Variants in POLB observed in about 807,000 individuals in gnomAD.
POLB encodes 5'-dRP lyase.
Under a neutral mutation model 52.7 loss-of-function variants are expected in POLB, and 37 were observed. That is an observed-to-expected ratio of 0.70 (90% CI 0.54 to 0.92). The LOEUF is 0.92. POLB is among the 40% of genes least tolerant of loss of function. The pLI, the probability that POLB is intolerant of heterozygous loss-of-function variation, is 0.00. For missense variants in POLB, 313 were observed against 400.8 expected, an observed-to-expected ratio of 0.78 and a Z score of 1.87; for synonymous variants, 138 against 131.3, an observed-to-expected ratio of 1.05 and a Z score of -0.35.
intron 3 of POLB, 131 bp from the exon 4 acceptor site, chr8:42,348,885 C>T (rs1822794867): frequency 3.8e-6 from 2 of 520,116 alleles, no homozygotes; most frequent in East Asian, 3.3e-5. Context: ...GTTCAATTTT[C>T]TGTGTCCTTT....
At chr8:42,347,780 A>G (rs1435451989) in intron 3 of POLB, among the ~76,000 whole-genome samples, 16 of 152,100 alleles carry the variant, frequency 1.1e-4, no homozygotes, top group Non-Finnish European at 2.9e-5. Flanking sequence ...CTATCTGGTA[A>G]TTGCTGTTTT....
At chr8:42,363,518 A>C (rs1212619817) in intron 11 of POLB, among the ~76,000 whole-genome samples, 1 of 126,926 alleles carries the variant, frequency 7.9e-6, no homozygotes, top group East Asian at 2.4e-4. Context: ...ACAGACCGAG[A>C]CTCTGTCTCA....
chr8:42,362,245 C>T (rs902419206), intron 10 of POLB, among the ~76,000 whole-genome samples: 3 of 149,096 alleles, frequency 2.0e-5, no homozygotes, highest in Non-Finnish European at 4.4e-5. Context: ...GGCAACAGAA[C>T]GAGACTCCAT....
Position 42,357,223 on chromosome 8 carries a change from A to G in POLB, c.477A>G (p.Gln159=). ...RIPREEMLQM[Q]DIVLNEVKKV... Reference sequence around the variant, plus strand: ...CTCGTGAAGAGATGTTACAAATGCAAGTAAGATGTGTCAAATTATATTCTT... The same window carrying G: ...CTCGTGAAGAGATGTTACAAATGCAGGTAAGATGTGTCAAATTATATTCTT... Residue 159 remains glutamine (Q), a splice_region_variant and synonymous_variant, in exon 8 of 14, where the codon CAA becomes CAG. Transcript: ENST00000265421. 1 of 1,550,034 alleles carries G rather than the reference A, an allele frequency of 6.5e-7. No individual in the cohort carries two copies. The highest frequency in any genetic ancestry group is 8.9e-7 in the Non-Finnish European group (1 of 1,122,434).
In POLB at chr8:42,360,997, TATTC is replaced by T. The variant is rs1484843455; in HGVS notation, c.551-294_551-291del. 1.2e-4 allele frequency: 59 copies of T among 486,666 alleles called. 2 individuals carry two copies. The East Asian group carries it at 2.8e-3, about 23-fold the overall frequency. The allele number at this position is 486,666 out of a possible 1,614,324, so 30.1% of individuals were successfully genotyped here. Reference sequence around the variant, plus strand: ...TAAAGCTATTTTAAAATATTGTTTTTATTCATTATTGAGTAGTTACTTAGGTGCA... The same window carrying T: ...TAAAGCTATTTTAAAATATTGTTTTTATTATTGAGTAGTTACTTAGGTGCA... On this transcript the variant is annotated intron_variant, in intron 9 of 13. Transcript: ENST00000265421.
At chr8:42,354,433 A>G in intron 6 of POLB, 1 of 1,279,478 alleles carries the variant, frequency 7.8e-7, no homozygotes, top group Non-Finnish European at 1.0e-6. Context: ...AGCTGGATTC[A>G]TGCCCAGTAA....
intron 11 of POLB, among the ~76,000 whole-genome samples, chr8:42,364,288 G>A (rs1823908998): frequency 6.6e-6 from 1 of 152,048 alleles, no homozygotes; most frequent in African/African-American, 2.4e-5. Flanking sequence ...CACCCAGGCT[G>A]TAGTGCAGTG....
chr8:42,360,122 A>ATTT (rs35244690), intron 9 of POLB, among the ~76,000 whole-genome samples: 2,729 of 145,612 alleles, frequency 0.019, 67 homozygotes, highest in African/African-American at 0.065. Context: ...TAATTTTTGT[A>ATTT]TTTTTTTTTT....
chr8:42,349,909 CTCT>C (rs879075454), intron 4 of POLB, 95 bp from the exon 5 acceptor site: 14 of 812,962 alleles, frequency 1.7e-5, no homozygotes, highest in South Asian at 1.7e-4. Flanking sequence ...ATGTAAATAG[CTCT>C]TCATGTCTTT....
At chr8:42,343,271 G>A (rs1257615813) in intron 2 of POLB, among the ~76,000 whole-genome samples, 6 of 130,758 alleles carry the variant, frequency 4.6e-5, no homozygotes, top group African/African-American at 9.0e-5. Flanking sequence ...GCAGTGAGCC[G>A]AGATTGCGCC....
intron 2 of POLB, among the ~76,000 whole-genome samples, chr8:42,343,345 A>AATATATATAT (rs1554531634): frequency 6.0e-5 from 2 of 33,064 alleles, no homozygotes; most frequent in African/African-American, 1.2e-4. Flanking sequence ...AAAAAAAAAA[A>AATATATATAT]ATATATATAT....
intron 4 of POLB, among the ~76,000 whole-genome samples, chr8:42,349,512 C>T (rs1292067172): frequency 6.6e-6 from 1 of 152,140 alleles, no homozygotes; most frequent in Non-Finnish European, 1.5e-5. Flanking sequence ...CCTCAGCCTC[C>T]TGAGTAGCTG....
chr8:42,354,627 T>C (rs1456561146), intron 6 of POLB: 6 of 421,510 alleles, frequency 1.4e-5, no homozygotes, highest in Non-Finnish European at 2.8e-5. Flanking sequence ...CACTGCAACC[T>C]CCGCCACCTG....
At position 42,345,006 on chromosome 8, in the gene POLB, A is replaced by C; in HGVS notation, c.173A>C (p.Glu58Ala). Residue 58 changes from glutamate (E) to alanine (A), a missense_variant, in exon 3 of 14, where the codon GAA becomes GCA. Coordinates refer to ENST00000265421, the MANE Select transcript of POLB (RefSeq NM_002690.3). ...CCACACAAAATAAAGAGTGGAGCTG[A>C]AGCTAAGAAATTGGTAAGTTTAGTT... ...KYPHKIKSGA[E>A]AKKLPGVGTK... 4 of 1,608,090 alleles carry C rather than the reference A, an allele frequency of 2.5e-6. No homozygotes were observed. Among genetic ancestry groups the C allele is most frequent in the Non-Finnish European group, 2.6e-6 (3 of 1,174,590 alleles).
chr8:42,369,050 A>G, intron 11 of POLB: 1 of 358,112 alleles, frequency 2.8e-6, no homozygotes, highest in East Asian at 4.3e-5. Flanking sequence ...AATCCTCATA[A>G]TGAGAATCCT....
intron 2 of POLB, chr8:42,339,522 A>G (rs960637165): frequency 6.4e-6 from 1 of 156,854 alleles, no homozygotes; most frequent in Admixed American, 6.3e-5. Flanking sequence ...TATCCTATTC[A>G]TTCTTTCCAC....
chr8:42,356,681 A>C (rs1359581998), intron 7 of POLB, among the ~76,000 whole-genome samples: 1 of 151,902 alleles, frequency 6.6e-6, no homozygotes, highest in Admixed American at 6.6e-5. Context: ...TGGACACTTA[A>C]TGTAAATGAA....
chr8:42,343,312 ACTGCGTCTC>A, intron 2 of POLB, among the ~76,000 whole-genome samples: 1 of 86,174 alleles, frequency 1.2e-5, no homozygotes, highest in Non-Finnish European at 2.2e-5. Flanking sequence ...ACAGAGCAAG[ACTGCGTCTC>A]AAAAAAAAAA....
At chr8:42,340,233 C>G (rs980061648) in intron 2 of POLB, 2 of 152,176 alleles carry the variant, frequency 1.3e-5, no homozygotes, top group Non-Finnish European at 2.9e-5. Context: ...TTGAGCATCC[C>G]TAATCTGAAA....
Sources: gnomAD v4.1 joint callset for allele counts (sites outside exome capture counted in the v4.1 genomes callset) on GRCh38, gnomAD v4.1.1 for gene constraint, MANE v1.5 for transcripts, NCBI Gene and HGNC (gene_info 2026-07-23, HGNC 2026-07-21) for gene names.